Variants in RELN observed in about 807,000 individuals in gnomAD.
The protein encoded by RELN is reelin.
In RELN, 108 loss-of-function variants were observed where a neutral mutation model predicts 427.6. The observed-to-expected ratio is 0.25, with a 90% CI of 0.22 to 0.30. RELN has a LOEUF of 0.30. Among genes scored for constraint, RELN ranks in the 10% least tolerant of loss-of-function variants. The pLI is 1.00. For missense variants in RELN, 3,715 were observed against 4,302.8 expected (o/e 0.86, Z 3.82); for synonymous variants, 1,524 against 1,513.4 (o/e 1.01, Z -0.16).
At chr7:103,645,343 G>T (rs1471072453) in intron 16 of RELN, among the ~76,000 whole-genome samples, 5 of 151,724 alleles carry the variant, frequency 3.3e-5, no homozygotes, top group African/African-American at 1.2e-4. Flanking sequence ...TGGCAGAATG[G>T]ATTAAAAAAC....
intron 4 of RELN, among the ~76,000 whole-genome samples, chr7:103,758,959 G>A (rs1251210053): frequency 1.3e-5 from 2 of 151,884 alleles, no homozygotes; most frequent in Non-Finnish European, 2.9e-5. Flanking sequence ...GTATTATTAA[G>A]TGACCTGAAG....
At chr7:103,692,068 T>C (rs1833883653) in intron 10 of RELN, among the ~76,000 whole-genome samples, 1 of 152,150 alleles carries the variant, frequency 6.6e-6, no homozygotes, top group Non-Finnish European at 1.5e-5. Flanking sequence ...ATCCAGTCCC[T>C]TTCATAACAT....
rs771439100 is a variant in RELN at position 103,495,870 on chromosome 7, A to G, written c.9222T>C (p.Ser3074=). 2.5e-6 allele frequency: 4 copies of G among 1,613,420 alleles called. No individual in the cohort carries two copies. Among genetic ancestry groups the G allele is most frequent in the Non-Finnish European group, 3.4e-6 (4 of 1,179,806 alleles). Reference sequence around the variant, plus strand: ...CTGTCCTTACAGCATTAGGGTAAAAACTCCAGTTTTCTTCATGGGAAGTGC... The same window carrying G: ...CTGTCCTTACAGCATTAGGGTAAAAGCTCCAGTTTTCTTCATGGGAAGTGC... ...DEGTSHEENW[S]FYPNAVRTAG... The change falls in exon 57 of 65, where the codon AGT becomes AGC. Residue 3074 remains serine, a synonymous_variant. Coordinates refer to ENST00000428762, the MANE Select transcript of RELN (RefSeq NM_005045.4).
chr7:103,984,323 T>C (rs1258573229), intron 1 of RELN, among the ~76,000 whole-genome samples: 1 of 152,142 alleles, frequency 6.6e-6, no homozygotes, highest in Admixed American at 6.5e-5. Flanking sequence ...GTAAAAACTA[T>C]ATTCATATTA....
chr7:103,546,725 A>G (rs760129297), intron 41 of RELN, among the ~76,000 whole-genome samples: 2 of 152,180 alleles, frequency 1.3e-5, no homozygotes, highest in Admixed American at 6.5e-5. Context: ...AGGCACCCAT[A>G]TAGTGTTCAC....
intron 50 of RELN, among the ~76,000 whole-genome samples, chr7:103,512,034 T>C (rs1428226554): frequency 6.6e-6 from 1 of 152,104 alleles, no homozygotes; most frequent in Non-Finnish European, 1.5e-5. Flanking sequence ...ACAAGAGACA[T>C]ATCCTCTTAA....
chr7:103,507,131 A>T (rs1829242475), intron 51 of RELN, among the ~76,000 whole-genome samples: 1 of 152,222 alleles, frequency 6.6e-6, no homozygotes, highest in Non-Finnish European at 1.5e-5. Flanking sequence ...ACGAGACAGA[A>T]AATTAACAAG....
At chr7:103,678,515 C>G (rs924524602) in intron 11 of RELN, among the ~76,000 whole-genome samples, 9 of 152,304 alleles carry the variant, frequency 5.9e-5, no homozygotes, top group African/African-American at 2.2e-4. Context: ...AGGCACACAG[C>G]TCTTGCATCC....
chr7:103,791,699 AAGGTGAAAGAAAAAAAT>A (rs1471980209), intron 3 of RELN, among the ~76,000 whole-genome samples: 1 of 152,160 alleles, frequency 6.6e-6, no homozygotes, highest in Non-Finnish European at 1.5e-5. Context: ...TATAACATGA[AAGGTGAAAGAAAAAAAT>A]AGATGAATAG....
At chr7:103,561,451 A>G (rs1830639161) in intron 36 of RELN, 81 bp downstream of exon 36, 1 of 1,091,978 alleles carries the variant, frequency 9.2e-7, no homozygotes, top group Non-Finnish European at 1.4e-6. Flanking sequence ...AGAGATTCAG[A>G]AATCCATTTG....
intron 1 of RELN, among the ~76,000 whole-genome samples, chr7:103,957,231 C>A (rs755716259): frequency 1.3e-5 from 2 of 152,064 alleles, no homozygotes; most frequent in African/African-American, 4.8e-5. Context: ...ACTTTTTCAA[C>A]TTGTCTCAGC....
chr7:103,985,848 TG>T (rs1304124325), intron 1 of RELN, among the ~76,000 whole-genome samples: 3 of 152,172 alleles, frequency 2.0e-5, no homozygotes, highest in African/African-American at 7.2e-5. Flanking sequence ...ATACTGCCTT[TG>T]TCCCTAGGAG....
intron 1 of RELN, among the ~76,000 whole-genome samples, chr7:103,934,831 TAAG>T (rs939610694): frequency 6.6e-6 from 1 of 152,178 alleles, no homozygotes; most frequent in Non-Finnish European, 1.5e-5. Flanking sequence ...GGAATGGGAA[TAAG>T]AAGAATGTTC....
At chr7:103,621,674 A>C (rs1479674285) in intron 20 of RELN, among the ~76,000 whole-genome samples, 1 of 152,188 alleles carries the variant, frequency 6.6e-6, no homozygotes, top group South Asian at 2.1e-4. Context: ...CACATGGCTC[A>C]ACCAAGGCCT....
Position 103,481,785 on chromosome 7 carries a change from G to A in RELN, c.10280+1088C>T, listed in dbSNP as rs147180576. ...GGTTATTTTATTCTGCTGGAATAAC[G>A]TAGTCTGAGGAAATCAGTATCTAAG... On this transcript the variant is annotated intron_variant, in intron 63 of 64. Transcript: ENST00000428762. 5.4e-3 allele frequency among the ~76,000 whole-genome samples: 819 copies of A among 152,266 alleles called. 6 individuals are homozygous for A. The highest frequency in any genetic ancestry group is 0.018 in the African/African-American group (745 of 41,550).
intron 3 of RELN, among the ~76,000 whole-genome samples, chr7:103,817,937 CA>C (rs71154371): frequency 0.27 from 9,807 of 36,038 alleles, 116 homozygotes; most frequent in South Asian, 0.31. Flanking sequence ...GACTCCATCT[CA>C]AAAAAAAAAA....
intron 3 of RELN, among the ~76,000 whole-genome samples, chr7:103,809,364 G>A (rs1792678646): frequency 1.3e-5 from 2 of 152,084 alleles, no homozygotes; most frequent in African/African-American, 2.4e-5. Flanking sequence ...AGAGAAAGAT[G>A]TAAAACAAAG....
chr7:103,885,757 C>G (rs1041399287), intron 2 of RELN, among the ~76,000 whole-genome samples: 4 of 152,098 alleles, frequency 2.6e-5, no homozygotes, highest in Non-Finnish European at 5.9e-5. Flanking sequence ...AATCCTCCTG[C>G]TCCATCATAG....
chr7:103,487,636 C>G (rs10085736), intron 60 of RELN, among the ~76,000 whole-genome samples: 1 of 151,930 alleles, frequency 6.6e-6, no homozygotes, highest in Admixed American at 6.6e-5. Flanking sequence ...GTTTAAATAC[C>G]ACAGCATCTG....
Sources: gnomAD v4.1 joint callset for allele counts (sites outside exome capture counted in the v4.1 genomes callset) on GRCh38, gnomAD v4.1.1 for gene constraint, MANE v1.5 for transcripts, NCBI Gene and HGNC (gene_info 2026-07-23, HGNC 2026-07-21) for gene names.